The following MARCHF3 variants were observed in gnomAD, a reference collection of about 807,000 sequenced individuals.
MARCHF3 encodes E3 ubiquitin-protein ligase MARCHF3.
A neutral mutation model predicts 24.2 loss-of-function variants in MARCHF3; 13 were observed. That is an observed-to-expected ratio of 0.54 (90% CI 0.35 to 0.85). MARCHF3 has a LOEUF of 0.85. Ranked by LOEUF, MARCHF3 falls within the 40% of genes least tolerant of loss-of-function variation. The pLI is 0.01. For synonymous variants in MARCHF3, 144 were observed against 137.3 expected (o/e 1.05, Z -0.34); for missense variants, 276 against 325.0 (o/e 0.85, Z 1.16).
rs1752824244 is a variant in MARCHF3, at chr5:126,867,983, A to G, written c.*2650T>C. 6.6e-6 allele frequency: 1 copy of G among 152,174 alleles called. No homozygotes were observed. The highest frequency in any genetic ancestry group is 1.5e-5 in the Non-Finnish European group (1 of 68,028). The allele number at this position is 152,174 out of a possible 1,614,324, so 9.4% of individuals were successfully genotyped here. On this transcript the variant is annotated 3_prime_UTR_variant, in exon 5 of 5. Coordinates refer to ENST00000308660, the MANE Select transcript of MARCHF3 (RefSeq NM_178450.5). ...GACAGAATCACAGCAAGGAGTGTGG[A>G]AGAGGGAGTTTTTTTAAAAAGTCAG... is the stretch of plus-strand genomic sequence containing the variant.
chr5:126,972,643 TCCATCCA>T (rs1245072251), intron 1 of MARCHF3, among the ~76,000 whole-genome samples: 2 of 152,162 alleles, frequency 1.3e-5, no homozygotes, highest in Non-Finnish European at 2.9e-5. Context: ...CTGCCTTACC[TCCATCCA>T]CTTCCACCCC....
At chr5:126,966,905 CTTTTTTTTTTTTTTTTTTTTTTTTTTTTT>C (rs779454094) in intron 1 of MARCHF3, among the ~76,000 whole-genome samples, 1 of 4,486 alleles carries the variant, frequency 2.2e-4, no homozygotes, top group African/African-American at 7.0e-4. Flanking sequence ...CTGTGAGAGC[CTTTTTTTTTTTTTTTTTTTTTTTTTTTTT>C]TTTTTTTTTT....
At chr5:127,024,779 T>C (rs1752939330) in intron 1 of MARCHF3, among the ~76,000 whole-genome samples, 1 of 152,218 alleles carries the variant, frequency 6.6e-6, no homozygotes, top group Non-Finnish European at 1.5e-5. Flanking sequence ...TGGGGGAGTG[T>C]ACTCATAATT....
chr5:126,989,861 C>T (rs1433289558), intron 1 of MARCHF3, among the ~76,000 whole-genome samples: 9 of 152,050 alleles, frequency 5.9e-5, no homozygotes, highest in Non-Finnish European at 8.8e-5. Context: ...CAGTGGCTCA[C>T]GCCTGTAATC....
intron 1 of MARCHF3, among the ~76,000 whole-genome samples, chr5:127,025,984 A>C (rs1752982411): frequency 6.6e-6 from 1 of 152,230 alleles, no homozygotes; most frequent in Non-Finnish European, 1.5e-5. Context: ...TGATTTAAAA[A>C]GTGAATTTTT....
At chr5:126,881,574 T>C (rs536182237) in intron 3 of MARCHF3, among the ~76,000 whole-genome samples, 3 of 152,352 alleles carry the variant, frequency 2.0e-5, no homozygotes, top group Admixed American at 1.3e-4. Flanking sequence ...CATACATTAA[T>C]AGCAATTTCA....
At chr5:127,004,459 T>C (rs998042974) in intron 1 of MARCHF3, among the ~76,000 whole-genome samples, 4 of 152,202 alleles carry the variant, frequency 2.6e-5, no homozygotes, top group Non-Finnish European at 4.4e-5. Flanking sequence ...TTTATTCCTA[T>C]CATTTCTTTT....
intron 1 of MARCHF3, among the ~76,000 whole-genome samples, chr5:126,998,036 T>C (rs1752003932): frequency 6.6e-6 from 1 of 152,178 alleles, no homozygotes; most frequent in South Asian, 2.1e-4. Flanking sequence ...TATTACCCTA[T>C]CACTAAAAAC....
chr5:126,946,800 G>A (rs896794296), intron 1 of MARCHF3, among the ~76,000 whole-genome samples: 1 of 150,602 alleles, frequency 6.6e-6, no homozygotes, highest in African/African-American at 2.5e-5. Flanking sequence ...GTGTGTGTCT[G>A]TGTGTGTGTG....
At chr5:126,935,601 CTTTTTTTTTTTTTTT>C (rs202058243) in intron 1 of MARCHF3, among the ~76,000 whole-genome samples, 3 of 70,592 alleles carry the variant, frequency 4.2e-5, no homozygotes, top group Non-Finnish European at 5.5e-5. Context: ...GTATATATGG[CTTTTTTTTTTTTTTT>C]TTTTTTTTTT....
At chr5:126,972,516 T>G (rs76555332) in intron 1 of MARCHF3, among the ~76,000 whole-genome samples, 121 of 152,322 alleles carry the variant, frequency 7.9e-4, no homozygotes, top group African/African-American at 2.8e-3. Context: ...GATCTTTCTC[T>G]TCTCTCCCTG....
At chr5:126,927,418 G>C (rs760812619) in intron 1 of MARCHF3, among the ~76,000 whole-genome samples, 1 of 152,000 alleles carries the variant, frequency 6.6e-6, no homozygotes, top group Non-Finnish European at 1.5e-5. Context: ...ACCTCTTTAG[G>C]GAACCTCTTT....
chr5:126,897,201 G>T (rs945559604), intron 3 of MARCHF3, among the ~76,000 whole-genome samples: 1 of 151,636 alleles, frequency 6.6e-6, no homozygotes, highest in Non-Finnish European at 1.5e-5. Flanking sequence ...CACCACGCCC[G>T]GCTAATTTTA....
intron 3 of MARCHF3, among the ~76,000 whole-genome samples, chr5:126,882,535 T>G (rs1476253497): frequency 3.9e-5 from 6 of 152,220 alleles, no homozygotes; most frequent in Non-Finnish European, 8.8e-5. Context: ...CTCTTATGTC[T>G]TCTACCTTTC....
At chr5:126,982,994 G>A (rs1351150560) in intron 1 of MARCHF3, among the ~76,000 whole-genome samples, 1 of 152,152 alleles carries the variant, frequency 6.6e-6, no homozygotes, top group Non-Finnish European at 1.5e-5. Context: ...GCACAGCTGG[G>A]CCCCAGCATT....
At chr5:126,878,435 T>C (rs1561774597) in intron 3 of MARCHF3, 41 bp from the exon 4 acceptor site, 3 of 1,569,046 alleles carry the variant, frequency 1.9e-6, no homozygotes, top group Admixed American at 3.7e-5. Flanking sequence ...AGGGAGAGGG[T>C]TAAATGCCAG....
intron 1 of MARCHF3, among the ~76,000 whole-genome samples, chr5:127,021,427 C>T (rs1190836112): frequency 6.6e-6 from 1 of 152,118 alleles, no homozygotes; most frequent in Admixed American, 6.5e-5. Context: ...TAACAGAGAG[C>T]AGAAAATATA....
chr5:126,972,216 G>C (rs1002309841), intron 1 of MARCHF3, among the ~76,000 whole-genome samples: 1 of 143,034 alleles, frequency 7.0e-6, no homozygotes, highest in Non-Finnish European at 1.5e-5. Flanking sequence ...GTTTGGAACA[G>C]AGTGTTTGAC....
intron 4 of MARCHF3, among the ~76,000 whole-genome samples, chr5:126,875,893 A>C (rs908702566): frequency 6.6e-6 from 1 of 152,204 alleles, no homozygotes; most frequent in Admixed American, 6.5e-5. Context: ...ATTTTTTTGT[A>C]CAAGAGGAAG....
Sources: allele counts gnomAD v4.1 joint callset (sites outside exome capture counted in the v4.1 genomes callset), GRCh38; gene constraint gnomAD v4.1.1; transcripts MANE v1.5; gene names NCBI Gene and HGNC (gene_info 2026-07-23, HGNC 2026-07-21).